The following EPHA3 variants were observed in gnomAD, a reference collection of about 807,000 sequenced individuals.
The protein encoded by EPHA3 is EPH receptor A3, also known as ephrin type-A receptor 3.
A neutral mutation model predicts 107.1 loss-of-function variants in EPHA3; 42 were observed. That is an observed-to-expected ratio of 0.39 (90% confidence interval 0.31 to 0.51). The LOEUF (loss-of-function observed/expected upper bound fraction) is 0.51. EPHA3 is among the 20% of genes least tolerant of loss of function. The pLI, the probability that EPHA3 is intolerant of heterozygous loss-of-function variation, is 0.78. For missense variants in EPHA3, 1,183 were observed against 1,211.2 expected (o/e 0.98, Z 0.35); for synonymous variants, 461 against 424.8 (o/e 1.09, Z -1.05).
intron 7 of EPHA3, 144 bp from the exon 8 acceptor site, chr3:89,407,125 T>G (rs1709069977): frequency 1.6e-6 from 1 of 606,862 alleles, no homozygotes; most frequent in Admixed American, 3.1e-5. Flanking sequence ...TAAAGAATAC[T>G]TTCAACATTG....
At chr3:89,309,360 C>G (rs1235097225) in intron 3 of EPHA3, among the ~76,000 whole-genome samples, 1 of 152,098 alleles carries the variant, frequency 6.6e-6, no homozygotes, top group African/African-American at 2.4e-5. Context: ...AAAGTTGTAT[C>G]TTGAGCCTAT....
intron 3 of EPHA3, among the ~76,000 whole-genome samples, chr3:89,257,012 G>A (rs1705301266): frequency 6.6e-6 from 1 of 152,206 alleles, no homozygotes; most frequent in Non-Finnish European, 1.5e-5. Flanking sequence ...TACTAAGTAT[G>A]TATGTACACA....
chr3:89,109,123 A>T lies in EPHA3; in HGVS notation c.88+1287A>T, dbSNP rs541636005. The stretch of plus-strand genomic sequence containing the variant: ...AGAGCAGTAATTTATCTCCTTCCTT[A>T]CTGACTGCCTTTATCAATTTGGCAG... On this transcript the variant is annotated intron_variant, in intron 1 of 16. Coordinates refer to ENST00000336596, the MANE Select transcript of EPHA3 (RefSeq NM_005233.6). 8.3e-4 allele frequency among the ~76,000 whole-genome samples: 127 copies of T among 152,246 alleles called. 1 individual carries two copies. The highest frequency in any genetic ancestry group is 3.3e-3 in the Admixed American group (50 of 15,304).
chr3:89,429,184 CA>C lies in EPHA3; in HGVS notation c.2136+18del. 6.3e-7 allele frequency: 1 copy of C among 1,585,430 alleles called. No individual in the cohort carries two copies. The highest frequency in any genetic ancestry group is 2.2e-5 in the East Asian group (1 of 44,558). ...TTCCTACGTGTAAGTAAGATGCACACACATACATATATATGAATAAATTGCT... is the reference window on the plus strand; with the variant it reads ...TTCCTACGTGTAAGTAAGATGCACACCATACATATATATGAATAAATTGCT... On this transcript the variant is annotated intron_variant, in intron 12 of 16. Transcript: ENST00000336596.
chr3:89,178,872 A>G (rs1705376635), intron 2 of EPHA3, among the ~76,000 whole-genome samples: 1 of 151,828 alleles, frequency 6.6e-6, no homozygotes, highest in Admixed American at 6.6e-5. Context: ...AACCTTTTCT[A>G]TGTGTTTAAA....
rs376077635 is a variant in EPHA3 at position 89,472,578 on chromosome 3, G to A, written c.2805G>A (p.Val935=). ...TAHCKEIFTG[V]EYSSCDTIAK... The stretch of plus-strand genomic sequence containing the variant: ...ACTGCAAGGAAATCTTCACGGGTGT[G>A]GAGTACAGTTCTTGTGACACAATAG... Residue 935 remains valine (V), a synonymous_variant, in exon 16 of 17, where the codon GTG becomes GTA. Coordinates refer to ENST00000336596, the MANE Select transcript of EPHA3 (RefSeq NM_005233.6). 9 of 1,613,740 alleles carry A rather than the reference G, an allele frequency of 5.6e-6. No individual in the cohort carries two copies. The African/African-American group carries it at 1.1e-4, about 19-fold the overall frequency.
chr3:89,193,814 T>C (rs928885654), intron 2 of EPHA3, among the ~76,000 whole-genome samples: 2 of 152,020 alleles, frequency 1.3e-5, no homozygotes, highest in African/African-American at 4.8e-5. Context: ...TTTTTAAGTG[T>C]TTCCCAATAT....
At chr3:89,110,486 A>C (rs778822710) in intron 1 of EPHA3, among the ~76,000 whole-genome samples, 3 of 151,966 alleles carry the variant, frequency 2.0e-5, no homozygotes, top group Non-Finnish European at 4.4e-5. Context: ...TATCTCTCTT[A>C]TATGCTTTCA....
At chr3:89,152,905 C>T (rs1407000243) in intron 2 of EPHA3, among the ~76,000 whole-genome samples, 1 of 151,996 alleles carries the variant, frequency 6.6e-6, no homozygotes, top group Non-Finnish European at 1.5e-5. Context: ...AAAAATCACC[C>T]AAGGCTCAGT....
At chr3:89,118,751 T>C (rs1224132976) in intron 1 of EPHA3, among the ~76,000 whole-genome samples, 1 of 151,936 alleles carries the variant, frequency 6.6e-6, no homozygotes, top group Non-Finnish European at 1.5e-5. Context: ...TGAGGATTAG[T>C]TACCCACTAG....
intron 13 of EPHA3, among the ~76,000 whole-genome samples, chr3:89,446,355 T>C (rs1341678912): frequency 6.6e-6 from 1 of 152,126 alleles, no homozygotes; most frequent in Non-Finnish European, 1.5e-5. Flanking sequence ...AAAAGAGGAT[T>C]CTCCTTCCAA....
Position 89,350,405 on chromosome 3 carries a change from A to G in EPHA3, c.1306+8315A>G, listed in dbSNP as rs1426582547. On this transcript the variant is annotated intron_variant, in intron 5 of 16. Transcript: ENST00000336596. The stretch of plus-strand genomic sequence containing the variant: ...CTGATACCCTTTCTTCCAGTTGATC[A>G]CATCGTCTCCTGAGGCTTCTGCATT... 9.9e-5 allele frequency among the ~76,000 whole-genome samples: 15 copies of G among 151,124 alleles called. No homozygotes were observed. In the East Asian group the frequency reaches 2.3e-3, roughly 23 times the overall value.
At chr3:89,343,890 A>G (rs1707586994) in intron 5 of EPHA3, among the ~76,000 whole-genome samples, 2 of 152,308 alleles carry the variant, frequency 1.3e-5, no homozygotes, top group East Asian at 1.9e-4. Context: ...ATACTTTGTA[A>G]CTAATGATAT....
chr3:89,217,207 G>A (rs141697976), intron 3 of EPHA3, among the ~76,000 whole-genome samples: 13 of 152,132 alleles, frequency 8.5e-5, no homozygotes, highest in African/African-American at 3.1e-4. Context: ...AGAAGTATAA[G>A]TGTTGATAAT....
chr3:89,476,660 T>C (rs572939031), intron 16 of EPHA3, among the ~76,000 whole-genome samples: 2 of 151,238 alleles, frequency 1.3e-5, no homozygotes, highest in Admixed American at 6.6e-5. Context: ...CAGGCTGGAG[T>C]GCAGTGGCGC....
intron 3 of EPHA3, among the ~76,000 whole-genome samples, chr3:89,214,048 A>G (rs1164862272): frequency 6.6e-6 from 1 of 152,004 alleles, no homozygotes; most frequent in African/African-American, 2.4e-5. Context: ...CAAGCCTCTG[A>G]TTTATACAAG....
chr3:89,434,229 A>T lies in EPHA3; in HGVS notation c.2346+2870A>T, dbSNP rs189204557. On this transcript the variant is annotated intron_variant, in intron 13 of 16. Transcript: ENST00000336596. Reference sequence around the variant, plus strand: ...TTATTTATTTATTTATTTATTTATTAATTTTTGAGACAGAGCCTCACGTTG... The same window carrying T: ...TTATTTATTTATTTATTTATTTATTTATTTTTGAGACAGAGCCTCACGTTG... 3.7e-3 allele frequency among the ~76,000 whole-genome samples: 561 copies of T among 152,062 alleles called. 2 individuals are homozygous for T. Among genetic ancestry groups the T allele is most frequent in the African/African-American group, 0.013 (534 of 41,504 alleles).
intron 3 of EPHA3, among the ~76,000 whole-genome samples, chr3:89,247,071 C>T (rs1246983648): frequency 1.3e-5 from 2 of 152,092 alleles, no homozygotes; most frequent in East Asian, 1.9e-4. Flanking sequence ...TACTCTTTGT[C>T]CATGTTTTTC....
At chr3:89,415,827 C>A (rs1443761365) in intron 10 of EPHA3, among the ~76,000 whole-genome samples, 1 of 151,332 alleles carries the variant, frequency 6.6e-6, no homozygotes, top group Non-Finnish European at 1.5e-5. Flanking sequence ...TTATTATCTC[C>A]ATTTCAGCAC....
Sources: allele counts gnomAD v4.1 joint callset (sites outside exome capture counted in the v4.1 genomes callset), GRCh38; gene constraint gnomAD v4.1.1; transcripts MANE v1.5; gene names NCBI Gene and HGNC (gene_info 2026-07-23, HGNC 2026-07-21).